The following RBMS1 variants were observed in gnomAD, a reference collection of about 807,000 sequenced individuals.
RBMS1 encodes the protein RNA-binding motif, single-stranded-interacting protein 1.
Under a neutral mutation model 62.3 loss-of-function variants are expected in RBMS1, and 17 were observed. The observed-to-expected ratio is 0.27, with a 90% confidence interval of 0.19 to 0.41. RBMS1 has a LOEUF of 0.41. Ranked by LOEUF, RBMS1 falls within the 10% of genes least tolerant of loss-of-function variation. The pLI is 1.00. For synonymous variants in RBMS1, 172 were observed against 170.0 expected, an observed-to-expected ratio of 1.01 and a Z score of -0.09; for missense variants, 334 against 504.5, an observed-to-expected ratio of 0.66 and a Z score of 3.24.
chr2:160,405,202 C>T (rs75404544), intron 1 of RBMS1, among the ~76,000 whole-genome samples: 1,669 of 152,074 alleles, frequency 0.011, 50 homozygotes, highest in African/African-American at 0.038. Context: ...AAGTGTGATT[C>T]CAAACCATTA....
chr2:160,382,708 T>C (rs773505808), intron 1 of RBMS1, among the ~76,000 whole-genome samples: 4 of 152,186 alleles, frequency 2.6e-5, no homozygotes, highest in Non-Finnish European at 5.9e-5. Flanking sequence ...TCCTTCTAAT[T>C]GATTTTTAAC....
At position 160,407,471 on chromosome 2, in the gene RBMS1, C is replaced by G. The variant is rs1238787100; in HGVS notation, c.76-40080G>C. 3.0e-6 allele frequency: 3 copies of G among 986,132 alleles called. No homozygotes were observed. The African/African-American group carries it at 5.2e-5, about 17-fold the overall frequency. The allele number at this position is 986,132 out of a possible 1,614,324, so 61.1% of individuals were successfully genotyped here. A position where few individuals can be genotyped will look rare whatever the true frequency, so the allele number is the denominator to read the frequency against. On this transcript the variant is annotated intron_variant, in intron 1 of 13. Transcript: ENST00000348849. ...TCCCGGCCGCCGCCTCACCTGCTTG[C>G]GATAGGGCGTCCGGCAGTTGCTGCT...
chr2:160,333,242 T>C (rs1220633845), intron 2 of RBMS1, among the ~76,000 whole-genome samples: 1 of 152,160 alleles, frequency 6.6e-6, no homozygotes, highest in Admixed American at 6.5e-5. Context: ...ATATGTATTA[T>C]AAATCATCTA....
intron 1 of RBMS1, among the ~76,000 whole-genome samples, chr2:160,404,377 C>T (rs1016532864): frequency 6.6e-6 from 1 of 152,184 alleles, no homozygotes; most frequent in Non-Finnish European, 1.5e-5. Flanking sequence ...CTGAAACTAG[C>T]TCACTCCTAC....
intron 6 of RBMS1, among the ~76,000 whole-genome samples, chr2:160,296,811 G>A (rs1055627006): frequency 2.0e-5 from 3 of 152,072 alleles, no homozygotes; most frequent in Non-Finnish European, 4.4e-5. Flanking sequence ...CTGTGTTTTG[G>A]CAAATGGGGC....
At chr2:160,388,482 A>C (rs1355345670) in intron 1 of RBMS1, among the ~76,000 whole-genome samples, 2 of 152,190 alleles carry the variant, frequency 1.3e-5, no homozygotes, top group Non-Finnish European at 2.9e-5. Context: ...GCCCCTGCTA[A>C]GCTGGAAGGG....
At chr2:160,385,849 G>C (rs555626653) in intron 1 of RBMS1, among the ~76,000 whole-genome samples, 1 of 152,110 alleles carries the variant, frequency 6.6e-6, no homozygotes. Context: ...ACAAACCTGC[G>C]CTCACAAGAG....
intron 1 of RBMS1, among the ~76,000 whole-genome samples, chr2:160,397,314 C>T (rs1346473590): frequency 2.6e-5 from 4 of 152,080 alleles, no homozygotes; most frequent in African/African-American, 9.7e-5. Context: ...CGCCTCCTTA[C>T]TGAATCCTAA....
chr2:160,278,432 A>G (rs1687943236), intron 11 of RBMS1, 116 bp downstream of exon 11: 1 of 818,352 alleles, frequency 1.2e-6, no homozygotes, highest in African/African-American at 1.7e-5. Context: ...GGGGGAAGAG[A>G]GGGGATTAGA....
chr2:160,342,886 T>C (rs1691958064), intron 2 of RBMS1, among the ~76,000 whole-genome samples: 1 of 151,922 alleles, frequency 6.6e-6, no homozygotes, highest in Admixed American at 6.6e-5. Flanking sequence ...TGCAGTGAGC[T>C]GAGATCATGC....
intron 2 of RBMS1, among the ~76,000 whole-genome samples, chr2:160,356,715 A>G (rs1175630231): frequency 2.6e-5 from 4 of 152,204 alleles, no homozygotes; most frequent in African/African-American, 9.6e-5. Flanking sequence ...TCCAGCCTCC[A>G]GAACCATAGC....
chr2:160,276,370 A>ACC (rs1192211268), intron 12 of RBMS1, among the ~76,000 whole-genome samples: 16 of 149,178 alleles, frequency 1.1e-4, no homozygotes, highest in African/African-American at 4.0e-4. Context: ...CACCACCACC[A>ACC]ACACCTACTA....
At chr2:160,446,358 G>A (rs1683645816) in intron 1 of RBMS1, among the ~76,000 whole-genome samples, 1 of 152,162 alleles carries the variant, frequency 6.6e-6, no homozygotes, top group Non-Finnish European at 1.5e-5. Flanking sequence ...AGGCAATTAT[G>A]ACAAAGCTCT....
intron 3 of RBMS1, among the ~76,000 whole-genome samples, chr2:160,316,443 G>A (rs183365784): frequency 9.4e-4 from 143 of 152,238 alleles, no homozygotes; most frequent in Non-Finnish European, 1.7e-3. Context: ...TCTAAAATAA[G>A]TTCTGAATTA....
At chr2:160,335,740 A>G (rs970901287) in intron 2 of RBMS1, among the ~76,000 whole-genome samples, 2 of 152,070 alleles carry the variant, frequency 1.3e-5, no homozygotes, top group Non-Finnish European at 1.5e-5. Context: ...TACTTCCAAA[A>G]CTACATGTAA....
At chr2:160,364,464 G>C (rs1349376051) in intron 2 of RBMS1, among the ~76,000 whole-genome samples, 1 of 152,014 alleles carries the variant, frequency 6.6e-6, no homozygotes, top group African/African-American at 2.4e-5. Context: ...AGGAACTTAG[G>C]CTAGTTGGCT....
chr2:160,281,267 A>C, intron 10 of RBMS1, 47 bp downstream of exon 10: 1 of 1,488,372 alleles, frequency 6.7e-7, no homozygotes, highest in Non-Finnish European at 9.2e-7. Flanking sequence ...GAGAATATAC[A>C]CATAACTTAC....
At chr2:160,388,267 A>T (rs191368732) in intron 1 of RBMS1, among the ~76,000 whole-genome samples, 2 of 152,324 alleles carry the variant, frequency 1.3e-5, no homozygotes, top group East Asian at 3.9e-4. Flanking sequence ...CCGCTCTTTG[A>T]GGAATAATTC....
chr2:160,291,246 A>G (rs887626511), intron 6 of RBMS1, among the ~76,000 whole-genome samples: 1 of 152,162 alleles, frequency 6.6e-6, no homozygotes, highest in Non-Finnish European at 1.5e-5. Context: ...AGAAACTGTC[A>G]CTTCCAAACT....
Sources: allele counts gnomAD v4.1 joint callset (sites outside exome capture counted in the v4.1 genomes callset), GRCh38; gene constraint gnomAD v4.1.1; transcripts MANE v1.5; gene names NCBI Gene and HGNC (gene_info 2026-07-23, HGNC 2026-07-21).